The following GRIP1 variants were observed in gnomAD, a reference collection of about 807,000 sequenced individuals.
GRIP1 encodes glutamate receptor interacting protein 1.
A neutral mutation model predicts 129.9 loss-of-function variants in GRIP1; 45 were observed. That is an observed-to-expected ratio of 0.35 (90% CI 0.27 to 0.44). The LOEUF is 0.44. GRIP1 is among the 20% of genes least tolerant of loss of function. GRIP1 has a pLI of 1.00. For synonymous variants in GRIP1, 530 were observed against 520.8 expected, an observed-to-expected ratio of 1.02 and a Z score of -0.24; for missense variants, 1,196 against 1,396.8, an observed-to-expected ratio of 0.86 and a Z score of 2.29.
chr12:66,363,814 T>C (rs1237126465), intron 23 of GRIP1, among the ~76,000 whole-genome samples: 1 of 152,052 alleles, frequency 6.6e-6, no homozygotes, highest in East Asian at 1.9e-4. Context: ...AGTAGAATGG[T>C]GGTTACTAGA....
chr12:67,042,304 T>C (rs2043192931), intron 1 of GRIP1, among the ~76,000 whole-genome samples: 1 of 152,202 alleles, frequency 6.6e-6, no homozygotes, highest in African/African-American at 2.4e-5. Context: ...TGCCTACTGA[T>C]TTTGTGGGCA....
intron 1 of GRIP1, among the ~76,000 whole-genome samples, chr12:66,896,245 G>A (rs1015826485): frequency 1.5e-4 from 23 of 152,108 alleles, no homozygotes; most frequent in Admixed American, 3.9e-4. Context: ...TTGAGGTTGT[G>A]TTGTGGTGAT....
chr12:66,665,155 GCAC>G (rs1438143257), intron 1 of GRIP1, among the ~76,000 whole-genome samples: 3 of 152,056 alleles, frequency 2.0e-5, no homozygotes, highest in Non-Finnish European at 4.4e-5. Context: ...TAACTGGCAT[GCAC>G]CACCACATCT....
Position 66,359,515 on chromosome 12 carries a change from A to T in GRIP1, c.3013-5952T>A, listed in dbSNP as rs77212906. On this transcript the variant is annotated intron_variant, in intron 23 of 24. Transcript: ENST00000359742. ...TGAGTGCCAACCACAGTGGGTTAGC[A>T]GAGTAGCTCATTAACTTCAAGGTCA... 2.4e-3 allele frequency among the ~76,000 whole-genome samples: 371 copies of T among 152,350 alleles called. 3 individuals carry two copies. The highest frequency in any genetic ancestry group is 7.6e-3 in the African/African-American group (314 of 41,580).
rs1300664235 is a variant in GRIP1 at position 66,392,378 on chromosome 12, C to T, written c.2394G>A (p.Thr798=). 3.7e-6 allele frequency: 6 copies of T among 1,613,478 alleles called. No individual in the cohort carries two copies. In the African/African-American group the frequency reaches 6.7e-5, roughly 18 times the overall value. ...CCACAGCACTGTCCACACTGGGCAC[C>T]GTGGAGGGGTACATGTCGGAGAGCT... is the stretch of plus-strand genomic sequence containing the variant. ...PGKLSDMYPS[T]VPSVDSAVDS... The change falls in exon 19 of 25, where the codon ACG becomes ACA. Residue 798 remains threonine (T), a synonymous_variant. Coordinates refer to ENST00000359742, the MANE Select transcript of GRIP1 (RefSeq NM_001366722.1).
chr12:66,528,104 C>T (rs1592492523), intron 5 of GRIP1, among the ~76,000 whole-genome samples: 1 of 147,884 alleles, frequency 6.8e-6, no homozygotes, highest in South Asian at 2.2e-4. Flanking sequence ...AAATATAATG[C>T]AAGATAGAAT....
chr12:66,820,098 G>A (rs1244857667), intron 1 of GRIP1, among the ~76,000 whole-genome samples: 1 of 152,148 alleles, frequency 6.6e-6, no homozygotes, highest in Non-Finnish European at 1.5e-5. Context: ...TTGGCAGGAA[G>A]AGGGAAAAAT....
rs2043561196 is a variant in GRIP1, at chr12:67,063,011, A to T, written c.58+6039T>A. ...TTAAAATGGTAGTTGCCATTACTGA[A>T]CTCCAAACCATCTGCAAGGTACTAT... On this transcript the variant is annotated intron_variant, in intron 1 of 1. Coordinates refer to the GRIP1 transcript ENST00000643019. Among the ~76,000 whole-genome samples, 5 of 152,284 alleles carry T rather than the reference A, an allele frequency of 3.3e-5. No individual in the cohort carries two copies. The South Asian group carries it at 6.2e-4, about 19-fold the overall frequency.
intron 1 of GRIP1, among the ~76,000 whole-genome samples, chr12:66,952,468 T>C (rs1475075383): frequency 2.0e-5 from 3 of 152,176 alleles, no homozygotes; most frequent in South Asian, 2.1e-4. Context: ...AAAAATCACA[T>C]GCAGTATTGT....
intron 22 of GRIP1, 74 bp from the exon 23 acceptor site, chr12:66,372,001 C>T: frequency 3.1e-6 from 3 of 958,626 alleles, no homozygotes; most frequent in Non-Finnish European, 5.0e-6. Flanking sequence ...ACAGTAAGCA[C>T]ATTTCTCCTT....
intron 1 of GRIP1, among the ~76,000 whole-genome samples, chr12:66,782,891 T>C (rs1317384312): frequency 6.6e-6 from 1 of 152,206 alleles, no homozygotes; most frequent in Non-Finnish European, 1.5e-5. Flanking sequence ...TTAACATACT[T>C]TGACAAAATT....
intron 2 of GRIP1, among the ~76,000 whole-genome samples, chr12:66,557,107 T>C (rs1242056885): frequency 1.3e-5 from 2 of 151,916 alleles, no homozygotes; most frequent in African/African-American, 4.8e-5. Context: ...TAATGACTCA[T>C]AGACTGAAAA....
intron 1 of GRIP1, among the ~76,000 whole-genome samples, chr12:67,016,854 CCT>C (rs915110070): frequency 9.2e-5 from 14 of 152,116 alleles, no homozygotes; most frequent in East Asian, 1.9e-4. Context: ...ATGATATCCC[CCT>C]GTTTGAGACA....
intron 1 of GRIP1, among the ~76,000 whole-genome samples, chr12:66,660,173 C>T (rs901249945): frequency 8.5e-5 from 13 of 152,136 alleles, no homozygotes; most frequent in Admixed American, 7.2e-4. Context: ...ATATTGTGTT[C>T]ACGTTAGAAT....
intron 1 of GRIP1, among the ~76,000 whole-genome samples, chr12:66,938,752 A>C (rs540640299): frequency 6.6e-6 from 1 of 152,024 alleles, no homozygotes; most frequent in Non-Finnish European, 1.5e-5. Flanking sequence ...AGGTCAGGAG[A>C]TCAAGACCAT....
At chr12:66,658,025 A>T (rs960671380) in intron 1 of GRIP1, among the ~76,000 whole-genome samples, 1 of 152,224 alleles carries the variant, frequency 6.6e-6, no homozygotes, top group Admixed American at 6.5e-5. Flanking sequence ...GTAAGTCCTG[A>T]TAAACCCTTA....
chr12:66,813,284 A>G (rs11176432), intron 1 of GRIP1, among the ~76,000 whole-genome samples: 67,785 of 151,868 alleles, frequency 0.45, 15,989 homozygotes, highest in Middle Eastern at 0.57. Context: ...ACCAGCTCTC[A>G]TGTGAACTAA....
chr12:67,027,738 G>C (rs192457619), intron 1 of GRIP1, among the ~76,000 whole-genome samples: 2 of 152,286 alleles, frequency 1.3e-5, no homozygotes, highest in East Asian at 3.9e-4. Context: ...CTAGTTCAGG[G>C]CCAGTGGTGC....
chr12:67,052,379 C>T (rs2043360196), intron 1 of GRIP1, among the ~76,000 whole-genome samples: 1 of 152,126 alleles, frequency 6.6e-6, no homozygotes, highest in African/African-American at 2.4e-5. Flanking sequence ...GTAATTACTA[C>T]ATTATTGTCT....
Sources: allele counts gnomAD v4.1 joint callset (sites outside exome capture counted in the v4.1 genomes callset), GRCh38; gene constraint gnomAD v4.1.1; transcripts MANE v1.5; gene names NCBI Gene and HGNC (gene_info 2026-07-23, HGNC 2026-07-21).